The following KIF13B variants were observed in gnomAD, a reference collection of about 807,000 sequenced individuals.
The protein encoded by KIF13B is kinesin family member 13B.
A neutral mutation model predicts 222.0 loss-of-function variants in KIF13B; 127 were observed. The ratio of observed to expected loss-of-function variants is 0.57; its 90% CI spans 0.50 to 0.66. KIF13B has a LOEUF of 0.66. Among genes scored for constraint, KIF13B ranks in the 30% least tolerant of loss-of-function variants. The pLI, the probability that KIF13B is intolerant of heterozygous loss-of-function variation, is 0.00. For synonymous variants in KIF13B, 976 were observed against 919.0 expected (o/e 1.06, Z -1.12); for missense variants, 2,173 against 2,379.0 (o/e 0.91, Z 1.80).
At position 29,217,328 on chromosome 8, in the gene KIF13B, AAC is replaced by A. The variant is rs559388676; in HGVS notation, c.150-21131_150-21130del. 4.8e-3 allele frequency among the ~76,000 whole-genome samples: 735 copies of A among 152,320 alleles called. 3 individuals carry two copies. The highest frequency in any genetic ancestry group is 7.7e-3 in the Non-Finnish European group (526 of 68,028). Reference sequence around the variant, plus strand: ...ACTAAGGTGAAATGAGACAGAGGAAAACACAGTGGCGAAGACTGGGCTCAGGA... The same window carrying A: ...ACTAAGGTGAAATGAGACAGAGGAAAACAGTGGCGAAGACTGGGCTCAGGA... On this transcript the variant is annotated intron_variant, in intron 2 of 39. Transcript: ENST00000524189.
intron 21 of KIF13B, among the ~76,000 whole-genome samples, chr8:29,139,099 G>A (rs545313694): frequency 1.3e-5 from 2 of 152,140 alleles, no homozygotes; most frequent in Admixed American, 6.5e-5. Flanking sequence ...ACCACAGGTG[G>A]TAATTGTGGA....
At chr8:29,111,167 T>C (rs1414698813) in intron 32 of KIF13B, among the ~76,000 whole-genome samples, 1 of 152,214 alleles carries the variant, frequency 6.6e-6, no homozygotes, top group Non-Finnish European at 1.5e-5. Context: ...TCATCCTCAT[T>C]TCCTAGATGA....
chr8:29,079,324 C>T (rs759900074), intron 37 of KIF13B, among the ~76,000 whole-genome samples: 1 of 152,210 alleles, frequency 6.6e-6, no homozygotes, highest in Non-Finnish European at 1.5e-5. Context: ...CAGCGCCCAC[C>T]GGCTTCGCTG....
In KIF13B at chr8:29,116,849, G is replaced by A; in HGVS notation, c.3819C>T (p.Val1273=). Residue 1273 remains valine, a synonymous_variant, in exon 31 of 40, where the codon GTC becomes GTT. Transcript: ENST00000524189. The part of the protein sequence containing the change: ...MQLVLRKRIC[V]NVHGRQGFAQ... ...GACTAACCTGGCGGCCGTGAACATT[G>A]ACACAGATTCTCTTGCGTAACACCA... is the stretch of plus-strand genomic sequence containing the variant. The A allele has an allele frequency of 1.4e-6, 2 of 1,394,964 alleles. No homozygotes were observed. The highest frequency in any genetic ancestry group is 2.0e-6 in the Non-Finnish European group (2 of 1,021,880). The allele number at this position is 1,394,964 out of a possible 1,614,324, so 86.4% of individuals were successfully genotyped here.
intron 2 of KIF13B, chr8:29,219,508 A>C (rs1024225716): frequency 1.3e-5 from 2 of 152,236 alleles, no homozygotes; most frequent in Non-Finnish European, 2.9e-5. Context: ...CTGTAATCCC[A>C]GTACTTTGGG....
chr8:29,226,449 C>T (rs1306594556), intron 2 of KIF13B, among the ~76,000 whole-genome samples: 1 of 152,174 alleles, frequency 6.6e-6, no homozygotes, highest in Non-Finnish European at 1.5e-5. Context: ...GTATTTGTAG[C>T]ATGGGAGCCC....
At chr8:29,122,677 TC>T in intron 28 of KIF13B, 31 bp from the exon 29 acceptor site, 1 of 1,577,122 alleles carries the variant, frequency 6.3e-7, no homozygotes, top group Admixed American at 1.8e-5. Flanking sequence ...GGCATCTGCC[TC>T]AGGTTACTTT....
chr8:29,233,601 T>C (rs1181344752), intron 2 of KIF13B, among the ~76,000 whole-genome samples: 4 of 152,254 alleles, frequency 2.6e-5, no homozygotes, highest in Non-Finnish European at 4.4e-5. Flanking sequence ...AAAACCCCTT[T>C]ACACTCTTAA....
At chr8:29,133,819 T>C (rs757055724) in intron 22 of KIF13B, among the ~76,000 whole-genome samples, 5 of 152,258 alleles carry the variant, frequency 3.3e-5, no homozygotes, top group Non-Finnish European at 7.3e-5. Flanking sequence ...GAGAAGAATA[T>C]GCATATATAC....
intron 36 of KIF13B, among the ~76,000 whole-genome samples, chr8:29,095,137 C>T (rs1460300728): frequency 6.6e-6 from 1 of 152,084 alleles, no homozygotes; most frequent in African/African-American, 2.4e-5. Flanking sequence ...CATCAATTTA[C>T]GGATCCAATA....
At chr8:29,176,224 T>A in intron 9 of KIF13B, 45 bp from the exon 10 acceptor site, 2 of 1,143,206 alleles carry the variant, frequency 1.7e-6, no homozygotes, top group Non-Finnish European at 2.6e-6. Flanking sequence ...ATGAAATATA[T>A]CAAATGTCAC....
At chr8:29,176,399 A>C (rs13274215) in intron 9 of KIF13B, among the ~76,000 whole-genome samples, 78,167 of 152,050 alleles carry the variant, frequency 0.51, 21,543 homozygotes, top group Middle Eastern at 0.64. Context: ...TTTGTAGTAC[A>C]TAAAAATGTG....
At chr8:29,120,295 C>CT (rs1809807047) in intron 29 of KIF13B, among the ~76,000 whole-genome samples, 1 of 114,040 alleles carries the variant, frequency 8.8e-6, no homozygotes. Flanking sequence ...TGTCATCTAG[C>CT]ATTAGGTATA....
chr8:29,175,399 C>T (rs1259190366), intron 10 of KIF13B, among the ~76,000 whole-genome samples: 5 of 152,114 alleles, frequency 3.3e-5, no homozygotes, highest in African/African-American at 4.8e-5. Context: ...ATCTCCCTTA[C>T]GAGCCAGAGA....
chr8:29,241,951 A>G (rs963475626), intron 2 of KIF13B, among the ~76,000 whole-genome samples: 2 of 152,310 alleles, frequency 1.3e-5, no homozygotes, highest in Admixed American at 1.3e-4. Flanking sequence ...TGAAACTGAC[A>G]GTTCCTATGG....
intron 24 of KIF13B, among the ~76,000 whole-genome samples, chr8:29,129,346 T>C (rs185457668): frequency 6.6e-6 from 1 of 152,346 alleles, no homozygotes; most frequent in East Asian, 1.9e-4. Flanking sequence ...AAAGATGTTC[T>C]TCACACCCTT....
intron 2 of KIF13B, among the ~76,000 whole-genome samples, chr8:29,227,220 G>A (rs571944327): frequency 6.6e-6 from 1 of 152,230 alleles, no homozygotes; most frequent in East Asian, 1.9e-4. Context: ...CTCAAGTTAT[G>A]AAATATTTAA....
chr8:29,147,611 A>T lies in KIF13B; in HGVS notation c.1814-9T>A. The T allele has an allele frequency of 6.3e-7, 1 of 1,590,666 alleles. No individual in the cohort carries two copies. The highest frequency in any genetic ancestry group is 8.6e-7 in the Non-Finnish European group (1 of 1,162,352). The stretch of plus-strand genomic sequence containing the variant: ...TATGGACTGCATCGGATCTAAACAC[A>T]TTTTTAAAAAAGATACATGATCGAG... On this transcript the variant is annotated splice_polypyrimidine_tract_variant and intron_variant, in intron 16 of 39. Coordinates refer to ENST00000524189, the MANE Select transcript of KIF13B (RefSeq NM_015254.4).
At chr8:29,250,169 G>GC in intron 1 of KIF13B, 1 of 598,246 alleles carries the variant, frequency 1.7e-6, no homozygotes, top group Non-Finnish European at 2.8e-6. Flanking sequence ...TTAGTTTCTT[G>GC]CAAGAACATT....
Sources: allele counts gnomAD v4.1 joint callset (sites outside exome capture counted in the v4.1 genomes callset), GRCh38; gene constraint gnomAD v4.1.1; transcripts MANE v1.5; gene names NCBI Gene and HGNC (gene_info 2026-07-23, HGNC 2026-07-21).